The following C1orf167 variants were observed in gnomAD, a reference collection of about 807,000 sequenced individuals.
C1orf167 encodes the protein chromosome 1 open reading frame 167.
C1orf167 carries 153 observed loss-of-function variants against 176.5 expected under a neutral mutation model. The observed-to-expected ratio is 0.87, with a 90% CI of 0.76 to 0.99. The LOEUF (loss-of-function observed/expected upper bound fraction) is 0.99. Ranked by LOEUF, C1orf167 falls within the 50% of genes least tolerant of loss-of-function variation. The pLI is 0.00. For synonymous variants in C1orf167, 594 were observed against 752.7 expected, an observed-to-expected ratio of 0.79 and a Z score of 3.45; for missense variants, 1,490 against 1,817.7, an observed-to-expected ratio of 0.82 and a Z score of 3.28.
At chr1:11,780,337 G>A (rs1643536423) in intron 13 of C1orf167, among the ~76,000 whole-genome samples, 1 of 152,196 alleles carries the variant, frequency 6.6e-6, no homozygotes, top group South Asian at 2.1e-4. Context: ...TGCTATGAAT[G>A]AGCAAATGAA....
chr1:11,787,770 C>T, intron 17 of C1orf167, 103 bp from the exon 18 acceptor site: 1 of 1,171,126 alleles, frequency 8.5e-7, no homozygotes, highest in East Asian at 6.5e-5. Flanking sequence ...AGCTCAGCAC[C>T]TTCCTCCACC....
At position 11,767,088 on chromosome 1, in the gene C1orf167, A is replaced by G; in HGVS notation, c.1299+3A>G. 8.0e-7 allele frequency: 1 copy of G among 1,243,686 alleles called. No individual in the cohort carries two copies. The highest frequency in any genetic ancestry group is 1.0e-6 in the Non-Finnish European group (1 of 963,866). The allele number at this position is 1,243,686 out of a possible 1,614,324, so 77.0% of individuals were successfully genotyped here. A position where few individuals can be genotyped will look rare whatever the true frequency, so the allele number is the denominator to read the frequency against. ...TCCCAGCGAGCAGTGCGTCGAAGGT[A>G]GAGGCCCGGGGAGGCTGGAGGTGGG... On this transcript the variant is annotated splice_donor_region_variant and intron_variant, in intron 3 of 20. Coordinates refer to ENST00000688073, the MANE Select transcript of C1orf167 (RefSeq NM_001010881.2).
At chr1:11,762,538 G>T (rs11584285) in intron 1 of C1orf167, among the ~76,000 whole-genome samples, 12,875 of 152,206 alleles carry the variant, frequency 0.085, 705 homozygotes, top group Middle Eastern at 0.13. Flanking sequence ...GGGCAAGAGG[G>T]GATGGTGGGG....
At chr1:11,763,171 G>A (rs192162665) in intron 1 of C1orf167, among the ~76,000 whole-genome samples, 6 of 152,318 alleles carry the variant, frequency 3.9e-5, no homozygotes, top group East Asian at 1.9e-4. Flanking sequence ...TGGGTGTGGT[G>A]GCTCACGCCT....
At chr1:11,771,000 GTATA>G (rs1185295212) in intron 6 of C1orf167, among the ~76,000 whole-genome samples, 579 of 30,826 alleles carry the variant, frequency 0.019, 4 homozygotes, top group Middle Eastern at 0.051. Context: ...GTGTGTGTGT[GTATA>G]TATCACCTCT....
At chr1:11,764,491 G>A in intron 2 of C1orf167, 21 bp downstream of exon 2, 1 of 1,288,566 alleles carries the variant, frequency 7.8e-7, no homozygotes. Flanking sequence ...TAGTGGGCCT[G>A]GATGGGCAGT....
intron 2 of C1orf167, among the ~76,000 whole-genome samples, chr1:11,764,946 C>A (rs1030940231): frequency 6.9e-6 from 1 of 144,250 alleles, no homozygotes; most frequent in Admixed American, 7.3e-5. Flanking sequence ...CCCAGCTACT[C>A]GGGAGGCTGC....
chr1:11,770,023 A>C (rs376124314), intron 6 of C1orf167, among the ~76,000 whole-genome samples: 2 of 152,236 alleles, frequency 1.3e-5, no homozygotes, highest in East Asian at 1.9e-4. Flanking sequence ...TTTGAAAAAT[A>C]TTCCAAATAG....
intron 15 of C1orf167, 86 bp from the exon 16 acceptor site, chr1:11,785,062 C>G (rs993653665): frequency 1.2e-5 from 13 of 1,119,538 alleles, no homozygotes; most frequent in Non-Finnish European, 1.4e-5. Flanking sequence ...GCCCGGAAGG[C>G]CCCCTCCCGC....
intron 1 of C1orf167, 115 bp downstream of exon 1, chr1:11,762,420 A>T (rs1202518612): frequency 2.9e-6 from 1 of 342,270 alleles, no homozygotes; most frequent in Admixed American, 3.9e-5. Flanking sequence ...GGGAGGGGGG[A>T]GTCTGAGGGA....
chr1:11,776,783 A>G, intron 10 of C1orf167, 145 bp downstream of exon 10: 1 of 796,194 alleles, frequency 1.3e-6, no homozygotes, highest in Non-Finnish European at 1.7e-6. Context: ...GGCCCTGCAC[A>G]GGGCCTGGCA....
At chr1:11,765,264 C>T (rs1341591213) in intron 2 of C1orf167, among the ~76,000 whole-genome samples, 1 of 152,000 alleles carries the variant, frequency 6.6e-6, no homozygotes, top group East Asian at 1.9e-4. Flanking sequence ...CCTGCCAGGC[C>T]CTGCGCCCAG....
intron 2 of C1orf167, among the ~76,000 whole-genome samples, chr1:11,765,077 A>AAAC (rs1642725044): frequency 6.7e-6 from 1 of 148,982 alleles, no homozygotes; most frequent in Non-Finnish European, 1.5e-5. Context: ...AAAAAAAAAA[A>AAAC]GAAAGCCACA....
rs1414774724 is a variant in C1orf167, at chr1:11,775,706, A to ATAGAACT, written c.2164+97_2164+103dup. On this transcript the variant is annotated intron_variant, in intron 9 of 20. Coordinates refer to ENST00000688073, the MANE Select transcript of C1orf167 (RefSeq NM_001010881.2). ...AATATGTGAATTCTTGTGGGAGGTGATAGAACTGGGGCTTTCTAGGAGGGC... is the reference window on the plus strand; with the variant it reads ...AATATGTGAATTCTTGTGGGAGGTGATAGAACTTAGAACTGGGGCTTTCTAGGAGGGC... The ATAGAACT allele has an allele frequency of 6.0e-5, 74 of 1,227,454 alleles. No individual in the cohort carries two copies. The Middle Eastern group carries it at 1.0e-3, about 17-fold the overall frequency. The allele number at this position is 1,227,454 out of a possible 1,614,324, so 76.0% of individuals were successfully genotyped here.
At chr1:11,788,439 A>G (rs928286729) in intron 19 of C1orf167, 61 bp downstream of exon 19, 5 of 1,237,106 alleles carry the variant, frequency 4.0e-6, no homozygotes, top group African/African-American at 1.5e-5. Context: ...ACTTAACCCA[A>G]ACCCCTCTCA....
intron 1 of C1orf167, among the ~76,000 whole-genome samples, chr1:11,763,217 A>G (rs541991313): frequency 4.7e-4 from 72 of 152,344 alleles, no homozygotes; most frequent in Non-Finnish European, 8.2e-4. Context: ...AGGCGGGCCA[A>G]TCACCTGAGG....
At chr1:11,774,485 T>G (rs1196513371) in intron 8 of C1orf167, among the ~76,000 whole-genome samples, 2 of 152,176 alleles carry the variant, frequency 1.3e-5, no homozygotes, top group Non-Finnish European at 2.9e-5. Flanking sequence ...TAGTTTTCTG[T>G]GAGAATTTTT....
chr1:11,762,708 A>G (rs1642570111), intron 1 of C1orf167, among the ~76,000 whole-genome samples: 1 of 152,202 alleles, frequency 6.6e-6, no homozygotes, highest in Non-Finnish European at 1.5e-5. Flanking sequence ...CGCCTGCTGA[A>G]GGCTGCAAGG....
intron 8 of C1orf167, among the ~76,000 whole-genome samples, chr1:11,774,422 C>T (rs1643217864): frequency 6.6e-6 from 1 of 152,194 alleles, no homozygotes; most frequent in African/African-American, 2.4e-5. Context: ...AATCAACTTG[C>T]TTGCCTGCTA....
Sources: gnomAD v4.1 joint callset for allele counts (sites outside exome capture counted in the v4.1 genomes callset) on GRCh38, gnomAD v4.1.1 for gene constraint, MANE v1.5 for transcripts, NCBI Gene and HGNC (gene_info 2026-07-23, HGNC 2026-07-21) for gene names.